Variants in ADAMTS6 observed in about 807,000 individuals in gnomAD.
ADAMTS6 encodes ADAM metallopeptidase with thrombospondin type 1 motif 6, also known as A disintegrin and metalloproteinase with thrombospondin motifs 6.
In ADAMTS6, 23 loss-of-function variants were observed where a neutral mutation model predicts 144.3. That is an observed-to-expected ratio of 0.16 (90% CI 0.11 to 0.23). The LOEUF is 0.23. Ranked by LOEUF, ADAMTS6 falls within the 10% of genes least tolerant of loss-of-function variation. The probability of loss-of-function intolerance (pLI) is 1.00; values close to 1 mark genes in which losing one functional copy is unlikely to be tolerated. For synonymous variants in ADAMTS6, 444 were observed against 457.5 expected, an observed-to-expected ratio of 0.97 and a Z score of 0.38; for missense variants, 999 against 1,379.6, an observed-to-expected ratio of 0.72 and a Z score of 4.37.
chr5:65,258,803 T>C (rs1760911845), intron 14 of ADAMTS6, among the ~76,000 whole-genome samples: 1 of 151,836 alleles, frequency 6.6e-6, no homozygotes, highest in Non-Finnish European at 1.5e-5. Flanking sequence ...GAAGAACGAG[T>C]AGAGAAAATG....
intron 24 of ADAMTS6, among the ~76,000 whole-genome samples, chr5:65,155,704 G>A (rs1452024292): frequency 6.6e-6 from 1 of 152,126 alleles, no homozygotes; most frequent in Non-Finnish European, 1.5e-5. Flanking sequence ...CTAAGAACAG[G>A]TTTATCTGAC....
intron 1 of ADAMTS6, among the ~76,000 whole-genome samples, chr5:65,479,305 AT>A (rs1475375203): frequency 1.3e-5 from 2 of 152,234 alleles, no homozygotes; most frequent in Non-Finnish European, 2.9e-5. Context: ...CATTTATAAA[AT>A]TTGTGAGATT....
intron 14 of ADAMTS6, among the ~76,000 whole-genome samples, chr5:65,248,601 G>C (rs754632553): frequency 2.0e-5 from 3 of 151,576 alleles, no homozygotes; most frequent in Non-Finnish European, 2.9e-5. Context: ...AGGAGTTTGA[G>C]ACCAGCCTGG....
chr5:65,435,878 G>A (rs953143106), intron 7 of ADAMTS6, among the ~76,000 whole-genome samples: 14 of 152,000 alleles, frequency 9.2e-5, no homozygotes, highest in South Asian at 2.1e-4. Context: ...CACCCGCCTC[G>A]GCCTTCCAAA....
At chr5:65,361,710 A>G (rs1749835152) in intron 7 of ADAMTS6, among the ~76,000 whole-genome samples, 1 of 151,724 alleles carries the variant, frequency 6.6e-6, no homozygotes, top group Admixed American at 6.6e-5. Flanking sequence ...AGTTATTTTT[A>G]CTATGGTGAT....
intron 7 of ADAMTS6, among the ~76,000 whole-genome samples, chr5:65,426,886 G>A (rs1042077367): frequency 1.1e-4 from 17 of 151,612 alleles, no homozygotes; most frequent in African/African-American, 9.7e-5. Flanking sequence ...AGATAAAGAA[G>A]GCACATTATA....
chr5:65,203,544 C>T (rs1755880494), intron 20 of ADAMTS6, among the ~76,000 whole-genome samples: 1 of 152,146 alleles, frequency 6.6e-6, no homozygotes, highest in African/African-American at 2.4e-5. Flanking sequence ...TATTTATCAT[C>T]AATAGACAGG....
At chr5:65,323,688 G>A (rs1393744155) in intron 9 of ADAMTS6, among the ~76,000 whole-genome samples, 4 of 152,094 alleles carry the variant, frequency 2.6e-5, no homozygotes, top group African/African-American at 9.7e-5. Context: ...CTGAGGAATC[G>A]CCACACCAAC....
intron 21 of ADAMTS6, among the ~76,000 whole-genome samples, chr5:65,193,636 T>C: frequency 6.6e-6 from 1 of 152,172 alleles, no homozygotes; most frequent in East Asian, 1.9e-4. Context: ...AATCGGAATA[T>C]AGATTCACAC....
At chr5:65,327,769 T>C (rs190249921) in intron 9 of ADAMTS6, among the ~76,000 whole-genome samples, 1 of 152,266 alleles carries the variant, frequency 6.6e-6, no homozygotes, top group African/African-American at 2.4e-5. Flanking sequence ...ACCTCAGCTA[T>C]TTAAGTACGT....
chr5:65,246,122 A>T (rs1759613730), intron 14 of ADAMTS6, among the ~76,000 whole-genome samples: 1 of 152,200 alleles, frequency 6.6e-6, no homozygotes, highest in Non-Finnish European at 1.5e-5. Context: ...AGAAAAAAAG[A>T]TCAAACACTT....
chr5:65,224,996 G>A lies in ADAMTS6; in HGVS notation c.2119C>T (p.Arg707Ter), dbSNP rs750220127. The change falls in exon 17 of 25, where the codon CGA becomes TGA. Residue 707 changes from arginine (R) to a stop codon, truncating the protein, a stop_gained. Transcript: ENST00000381055. LOFTEE classifies it high-confidence loss of function. ...GTGCTTCCGTCCCCTCCACAGACTC[G>A]ACATCTATCTTCCCTAGCATCAGAT... ...LGSDAREDRC[R>*]VCGGDGSTCD... 1.2e-6 allele frequency: 2 copies of A among 1,613,864 alleles called. No homozygotes were observed. The highest frequency in any genetic ancestry group is 1.3e-5 in the African/African-American group (1 of 74,866).
At chr5:65,378,879 G>T (rs1751789987) in intron 7 of ADAMTS6, among the ~76,000 whole-genome samples, 1 of 151,952 alleles carries the variant, frequency 6.6e-6, no homozygotes, top group Non-Finnish European at 1.5e-5. Context: ...ATAGAAAAGA[G>T]AACATAGTAA....
intron 9 of ADAMTS6, among the ~76,000 whole-genome samples, chr5:65,306,338 T>C (rs920059366): frequency 6.6e-6 from 1 of 152,226 alleles, no homozygotes; most frequent in African/African-American, 2.4e-5. Context: ...GAAAATGGCA[T>C]GGGTTTTATT....
intron 9 of ADAMTS6, among the ~76,000 whole-genome samples, chr5:65,316,319 T>G (rs1156987303): frequency 1.3e-5 from 2 of 152,166 alleles, no homozygotes; most frequent in Non-Finnish European, 2.9e-5. Flanking sequence ...ATCAATTAAC[T>G]TAATCCAAAT....
chr5:65,232,030 G>A (rs1347421303), intron 15 of ADAMTS6, among the ~76,000 whole-genome samples: 2 of 152,112 alleles, frequency 1.3e-5, no homozygotes, highest in African/African-American at 4.8e-5. Flanking sequence ...AGAATCACTT[G>A]ACCCTGGGAA....
At position 65,151,369 on chromosome 5, in the gene ADAMTS6, A is replaced by G. The variant is rs1164177357; in HGVS notation, c.*467T>C. The G allele has an allele frequency of 6.5e-6, 1 of 153,982 alleles. No individual in the cohort carries two copies. Among genetic ancestry groups the G allele is most frequent in the Non-Finnish European group, 1.4e-5 (1 of 68,974 alleles). 9.5% of individuals were successfully genotyped at this position (153,982 alleles called of 1,614,324 possible). A position where few individuals can be genotyped will look rare whatever the true frequency, so the allele number is the denominator to read the frequency against. On this transcript the variant is annotated 3_prime_UTR_variant, in exon 25 of 25. Transcript: ENST00000381055. Reference sequence around the variant, plus strand: ...GTGCTGTTGTAGTGAGATAAAGTACAGTAAATATTTTTAAGCTATGACTTA... The same window carrying G: ...GTGCTGTTGTAGTGAGATAAAGTACGGTAAATATTTTTAAGCTATGACTTA...
In ADAMTS6 at chr5:65,317,100, GC is replaced by G. The variant is rs1290573351; in HGVS notation, c.1223+12277del. 6.8e-4 allele frequency among the ~76,000 whole-genome samples: 104 copies of G among 152,260 alleles called. 1 individual carries two copies. The highest frequency in any genetic ancestry group is 3.1e-3 in the Admixed American group (47 of 15,298). On this transcript the variant is annotated intron_variant, in intron 9 of 24. Coordinates refer to ENST00000381055, the MANE Select transcript of ADAMTS6 (RefSeq NM_197941.4). Reference sequence around the variant, plus strand: ...TTACAGGTGTGAGCCACTGCGCCTGGCTGACATAAAAATCTTAAATGTGAAT... The same window carrying G: ...TTACAGGTGTGAGCCACTGCGCCTGGTGACATAAAAATCTTAAATGTGAAT...
intron 11 of ADAMTS6, among the ~76,000 whole-genome samples, chr5:65,287,655 C>T (rs558974790): frequency 2.6e-5 from 4 of 152,196 alleles, no homozygotes; most frequent in South Asian, 2.1e-4. Flanking sequence ...CTCAGCCTCC[C>T]GAGTAGCTGG....
Sources: allele counts gnomAD v4.1 joint callset (sites outside exome capture counted in the v4.1 genomes callset), GRCh38; gene constraint gnomAD v4.1.1; transcripts MANE v1.5; gene names NCBI Gene and HGNC (gene_info 2026-07-23, HGNC 2026-07-21).